The following BRINP2 variants were observed in gnomAD, a reference collection of about 807,000 sequenced individuals.
BRINP2 encodes the protein BMP/retinoic acid-inducible neural-specific protein 2.
Under a neutral mutation model 69.2 loss-of-function variants are expected in BRINP2, and 21 were observed. The observed-to-expected ratio is 0.30, with a 90% CI of 0.22 to 0.44. The LOEUF is 0.44. BRINP2 is among the 20% of genes least tolerant of loss of function. The pLI is 1.00. For synonymous variants in BRINP2, 380 were observed against 394.1 expected, an observed-to-expected ratio of 0.96 and a Z score of 0.42; for missense variants, 877 against 986.0, an observed-to-expected ratio of 0.89 and a Z score of 1.48.
chr1:177,194,788 T>C (rs562317104), intron 1 of BRINP2, among the ~76,000 whole-genome samples: 5 of 152,234 alleles, frequency 3.3e-5, no homozygotes, highest in Non-Finnish European at 7.4e-5. Flanking sequence ...TGTGTGTGTG[T>C]GTGCACATGA....
At chr1:177,210,348 G>A (rs1649187842) in intron 1 of BRINP2, among the ~76,000 whole-genome samples, 1 of 152,106 alleles carries the variant, frequency 6.6e-6, no homozygotes, top group African/African-American at 2.4e-5. Context: ...CAGGAGCCAG[G>A]CCCTCTGATT....
chr1:177,217,636 T>A (rs1450912167), intron 1 of BRINP2, among the ~76,000 whole-genome samples: 1 of 152,176 alleles, frequency 6.6e-6, no homozygotes, highest in Non-Finnish European at 1.5e-5. Context: ...TTTTACAAGT[T>A]TGTTTTTTTG....
intron 4 of BRINP2, among the ~76,000 whole-genome samples, chr1:177,258,563 GTTTT>G (rs972633300): frequency 6.7e-6 from 1 of 149,842 alleles, no homozygotes; most frequent in Non-Finnish European, 1.5e-5. Context: ...CTGTGGTTTT[GTTTT>G]TGTTTTTGTT....
At chr1:177,256,310 G>A in intron 3 of BRINP2, 1 of 984,640 alleles carries the variant, frequency 1.0e-6, no homozygotes, top group Non-Finnish European at 1.2e-6. Flanking sequence ...TATTCCCTGA[G>A]GAGGGGAAGT....
At chr1:177,188,565 G>A (rs941330878) in intron 1 of BRINP2, among the ~76,000 whole-genome samples, 3 of 152,082 alleles carry the variant, frequency 2.0e-5, no homozygotes, top group Admixed American at 2.0e-4. Flanking sequence ...AGAAGAAGTT[G>A]GGAGGATGAG....
chr1:177,248,069 G>C (rs989614198), intron 2 of BRINP2, among the ~76,000 whole-genome samples: 1 of 152,118 alleles, frequency 6.6e-6, no homozygotes, highest in African/African-American at 2.4e-5. Flanking sequence ...CCCCGCAGAG[G>C]TAGAAAGATG....
intron 1 of BRINP2, among the ~76,000 whole-genome samples, chr1:177,172,541 G>A (rs1571877944): frequency 1.3e-5 from 2 of 152,142 alleles, no homozygotes; most frequent in African/African-American, 4.8e-5. Flanking sequence ...TCCAAATCAC[G>A]GATGCCTGGA....
chr1:177,245,221 A>C (rs889675572), intron 2 of BRINP2, among the ~76,000 whole-genome samples: 8 of 152,066 alleles, frequency 5.3e-5, no homozygotes, highest in African/African-American at 1.9e-4. Flanking sequence ...AGTGGCTCAG[A>C]ATATATCTAC....
rs114089680 is a variant in BRINP2, at chr1:177,269,227, A to T, written c.670-4261A>T. Among the ~76,000 whole-genome samples, 144 of 152,266 alleles carry T rather than the reference A, an allele frequency of 9.5e-4. 1 individual carries two copies. Among genetic ancestry groups the T allele is most frequent in the African/African-American group, 3.4e-3 (142 of 41,534 alleles). ...TGATGAGTTAATGTGCTTCTGTTCT[A>T]CCTGCTGATAAATACTGTGAATATC... On this transcript the variant is annotated intron_variant, in intron 4 of 7. Transcript: ENST00000361539.
chr1:177,188,274 C>T (rs1031332953), intron 1 of BRINP2, among the ~76,000 whole-genome samples: 5 of 152,012 alleles, frequency 3.3e-5, no homozygotes, highest in Non-Finnish European at 7.4e-5. Flanking sequence ...TTTCGAGGTG[C>T]CAGGCATTTT....
chr1:177,206,884 T>C (rs1328405220), intron 1 of BRINP2, among the ~76,000 whole-genome samples: 1 of 152,032 alleles, frequency 6.6e-6, no homozygotes, highest in African/African-American at 2.4e-5. Context: ...CTAAGACATA[T>C]GTGGATAGAA....
chr1:177,281,439 G>A lies in BRINP2; in HGVS notation c.2263G>A (p.Glu755Lys). ...LRHRLKLANNEVGRIQSSLRA... is the reference protein window; with the variant it reads ...LRHRLKLANNKVGRIQSSLRA... Reference sequence around the variant, plus strand: ...GCATCGGCTTAAGCTGGCCAACAATGAGGTGGGCAGGATCCAGTCCTCCCT... The same window carrying A: ...GCATCGGCTTAAGCTGGCCAACAATAAGGTGGGCAGGATCCAGTCCTCCCT... The change falls in exon 8 of 8, where the codon GAG (glutamate) becomes AAG (lysine). Residue 755 changes from glutamate (E) to lysine (K), a missense_variant. Glu to Lys is a moderately conservative substitution (Grantham distance 56). Transcript: ENST00000361539. 1 of 1,614,052 alleles carries A rather than the reference G, an allele frequency of 6.2e-7. No individual in the cohort carries two copies. The highest frequency in any genetic ancestry group is 8.5e-7 in the Non-Finnish European group (1 of 1,180,026).
At chr1:177,193,392 C>G (rs1472274923) in intron 1 of BRINP2, among the ~76,000 whole-genome samples, 1 of 152,246 alleles carries the variant, frequency 6.6e-6, no homozygotes, top group Middle Eastern at 3.4e-3. Flanking sequence ...CAAAAATCAT[C>G]TGTGTTATCT....
chr1:177,186,324 A>T (rs1041231085), intron 1 of BRINP2, among the ~76,000 whole-genome samples: 1 of 152,164 alleles, frequency 6.6e-6, no homozygotes, highest in African/African-American at 2.4e-5. Flanking sequence ...CCTAATCATA[A>T]TACAAAAAAG....
chr1:177,195,673 A>G (rs1283545811), intron 1 of BRINP2, among the ~76,000 whole-genome samples: 1 of 151,852 alleles, frequency 6.6e-6, no homozygotes, highest in Non-Finnish European at 1.5e-5. Flanking sequence ...GGGGGAATCA[A>G]TCCCTGAAAA....
chr1:177,176,081 A>G (rs1470279612), intron 1 of BRINP2, among the ~76,000 whole-genome samples: 1 of 152,238 alleles, frequency 6.6e-6, no homozygotes, highest in African/African-American at 2.4e-5. Context: ...TAGACAGAGA[A>G]GTAAAGTTGA....
chr1:177,239,466 G>A (rs1027887843), intron 2 of BRINP2, among the ~76,000 whole-genome samples: 1 of 152,176 alleles, frequency 6.6e-6, no homozygotes, highest in African/African-American at 2.4e-5. Flanking sequence ...CTTCTTGCCT[G>A]GCCATGGCTT....
intron 2 of BRINP2, among the ~76,000 whole-genome samples, chr1:177,242,954 T>C (rs1464999368): frequency 6.6e-6 from 1 of 152,220 alleles, no homozygotes; most frequent in Non-Finnish European, 1.5e-5. Flanking sequence ...CTGCTGCTTT[T>C]AGTTGTGTAA....
intron 2 of BRINP2, among the ~76,000 whole-genome samples, chr1:177,238,409 C>T (rs1419183459): frequency 6.6e-6 from 1 of 152,196 alleles, no homozygotes; most frequent in South Asian, 2.1e-4. Context: ...CTGGGTTTGT[C>T]CATCAGATTG....
Sources: allele counts gnomAD v4.1 joint callset (sites outside exome capture counted in the v4.1 genomes callset), GRCh38; gene constraint gnomAD v4.1.1; transcripts MANE v1.5; gene names NCBI Gene and HGNC (gene_info 2026-07-23, HGNC 2026-07-21).